Variants in PLS1 observed in about 807,000 individuals in gnomAD.
PLS1 encodes plastin-1.
PLS1 carries 32 observed loss-of-function variants against 73.7 expected under a neutral mutation model. The ratio of observed to expected loss-of-function variants is 0.43; its 90% confidence interval spans 0.33 to 0.58. The LOEUF (loss-of-function observed/expected upper bound fraction) is 0.58. Among genes scored for constraint, PLS1 ranks in the 20% least tolerant of loss-of-function variants. The pLI is 0.04. For synonymous variants in PLS1, 217 were observed against 261.3 expected, an observed-to-expected ratio of 0.83 and a Z score of 1.63; for missense variants, 633 against 740.5, an observed-to-expected ratio of 0.85 and a Z score of 1.68.
chr3:142,655,962 TTTTTTTTG>T (rs974260259), intron 1 of PLS1, among the ~76,000 whole-genome samples: 4 of 152,014 alleles, frequency 2.6e-5, no homozygotes, highest in African/African-American at 9.7e-5. Context: ...AATTAATTAC[TTTTTTTTG>T]TTTGTTTTTG....
rs1393424858 is a variant in PLS1 at position 142,686,366 on chromosome 3, C to T, written c.971C>T (p.Ser324Leu). Residue 324 changes from serine (S) to leucine (L), a missense_variant, in exon 9 of 16, where the codon TCA becomes TTA. Physicochemically the swap from Ser to Leu is moderately radical, Grantham distance 145. Transcript: ENST00000457734. ...GGACCTGCCATTGCCATTGACCTTT[C>T]AGGAATTAATGTGAGTGCAATTTTT... ...EDGPAIAIDLSGINETNDLKR... is the reference protein window; with the variant it reads ...EDGPAIAIDLLGINETNDLKR... 3.1e-6 allele frequency: 5 copies of T among 1,592,152 alleles called. No individual in the cohort carries two copies. The highest frequency in any genetic ancestry group is 4.3e-6 in the Non-Finnish European group (5 of 1,160,078).
chr3:142,681,607 T>A (rs1482550586), intron 6 of PLS1, among the ~76,000 whole-genome samples: 1 of 152,218 alleles, frequency 6.6e-6, no homozygotes, highest in Non-Finnish European at 1.5e-5. Context: ...GTCTCTTGTG[T>A]TGCCACCAGT....
chr3:142,639,387 CA>C (rs1322086581), intron 1 of PLS1, among the ~76,000 whole-genome samples: 1 of 152,164 alleles, frequency 6.6e-6, no homozygotes, highest in Non-Finnish European at 1.5e-5. Flanking sequence ...GAATCCCCTT[CA>C]AATCCACTTG....
rs201586440 is a variant in PLS1 at position 142,684,353 on chromosome 3, T to G, written c.846T>G (p.Asn282Lys). ...GATGGGTGAACTACCATCTGACCAA[T>G]GCAGGATGGCATACCATCAGCAACT... ...LLRWVNYHLT[N>K]AGWHTISNFS... The change falls in exon 8 of 16, where the codon AAT (asparagine) becomes AAG (lysine). Residue 282 changes from asparagine to lysine, a missense_variant. Coordinates refer to ENST00000457734, the MANE Select transcript of PLS1 (RefSeq NM_001145319.2). 3.1e-6 allele frequency: 5 copies of G among 1,613,746 alleles called. No individual in the cohort carries two copies. The highest frequency in any genetic ancestry group is 2.2e-5 in the South Asian group (2 of 91,072).
At chr3:142,680,194 G>C (rs563733520) in intron 6 of PLS1, among the ~76,000 whole-genome samples, 2 of 152,276 alleles carry the variant, frequency 1.3e-5, no homozygotes, top group East Asian at 1.9e-4. Flanking sequence ...TTCCTGAGTT[G>C]TTAGGGCTAT....
chr3:142,699,551 G>A (rs1358894793), intron 12 of PLS1, among the ~76,000 whole-genome samples: 1 of 152,064 alleles, frequency 6.6e-6, no homozygotes, highest in African/African-American at 2.4e-5. Flanking sequence ...TAACTATCCT[G>A]CATGTTCTGC....
chr3:142,644,022 T>TTC (rs1466254005), intron 1 of PLS1, among the ~76,000 whole-genome samples: 1 of 151,874 alleles, frequency 6.6e-6, no homozygotes, highest in Non-Finnish European at 1.5e-5. Flanking sequence ...GAGATGGGAT[T>TTC]TCACCATGTT....
At chr3:142,662,146 A>G (rs1395156588) in intron 1 of PLS1, among the ~76,000 whole-genome samples, 3 of 152,214 alleles carry the variant, frequency 2.0e-5, no homozygotes, top group African/African-American at 7.2e-5. Context: ...TCACAATAGC[A>G]AAGACTTGGA....
intron 1 of PLS1, among the ~76,000 whole-genome samples, chr3:142,663,526 T>C (rs1389888489): frequency 1.3e-5 from 2 of 152,166 alleles, no homozygotes; most frequent in Non-Finnish European, 2.9e-5. Flanking sequence ...AGTGAGATCC[T>C]GTCTCTACAA....
At chr3:142,605,878 C>T (rs2036008941) in intron 1 of PLS1, among the ~76,000 whole-genome samples, 1 of 152,110 alleles carries the variant, frequency 6.6e-6, no homozygotes, top group Non-Finnish European at 1.5e-5. Context: ...TAATGTACAT[C>T]TGGAATGTGT....
chr3:142,659,222 C>T (rs1016005519), intron 1 of PLS1, among the ~76,000 whole-genome samples: 2 of 152,142 alleles, frequency 1.3e-5, no homozygotes, highest in Non-Finnish European at 2.9e-5. Context: ...GAAAAGCTGG[C>T]TGACCCGAGT....
chr3:142,645,661 A>C (rs2036938293), intron 1 of PLS1: 1 of 152,170 alleles, frequency 6.6e-6, no homozygotes, highest in Non-Finnish European at 1.5e-5. Flanking sequence ...GTTGGTCTTG[A>C]GGCATTCATT....
intron 1 of PLS1, among the ~76,000 whole-genome samples, chr3:142,647,110 A>C (rs2036968869): frequency 6.6e-6 from 1 of 152,174 alleles, no homozygotes; most frequent in South Asian, 2.1e-4. Flanking sequence ...TGGAGATGGG[A>C]GTGGTGATTT....
At chr3:142,658,078 G>T (rs2037281120) in intron 1 of PLS1, among the ~76,000 whole-genome samples, 1 of 152,048 alleles carries the variant, frequency 6.6e-6, no homozygotes, top group Admixed American at 6.5e-5. Context: ...TAAAGCAAAA[G>T]ACTAAAATAC....
intron 1 of PLS1, among the ~76,000 whole-genome samples, chr3:142,655,168 A>G (rs916915770): frequency 6.6e-6 from 1 of 152,216 alleles, no homozygotes; most frequent in South Asian, 2.1e-4. Context: ...AATAATACAT[A>G]AGAAATGAAG....
rs1170933037 is a variant in PLS1, at chr3:142,600,916, A to ATTT, written c.-37+4430_-37+4432dup. ...TATATATATATATATATATATATAT[A>ATTT]TTTTTTTTTTTTTTTTTTTTTTTTT... On this transcript the variant is annotated intron_variant, in intron 1 of 15. Coordinates refer to ENST00000457734, the MANE Select transcript of PLS1 (RefSeq NM_001145319.2). 2.4e-3 allele frequency among the ~76,000 whole-genome samples: 36 copies of ATTT among 14,836 alleles called. 6 individuals carry two copies. The highest frequency in any genetic ancestry group is 3.7e-3 in the South Asian group (1 of 272). The allele number at this position is 14,836 out of a possible 152,430, so 9.7% of individuals were successfully genotyped here. A position where few individuals can be genotyped will look rare whatever the true frequency, so the allele number is the denominator to read the frequency against.
chr3:142,598,798 C>A (rs1202339017), intron 1 of PLS1, among the ~76,000 whole-genome samples: 1 of 152,056 alleles, frequency 6.6e-6, no homozygotes, highest in Non-Finnish European at 1.5e-5. Flanking sequence ...GAGATTGAGA[C>A]CATCCTGGCT....
Position 142,676,070 on chromosome 3 carries a change from T to A in PLS1, c.365-87T>A, listed in dbSNP as rs2037718618. 1.0e-5 allele frequency: 10 copies of A among 980,772 alleles called. No homozygotes were observed. In the South Asian group the frequency reaches 1.5e-4, roughly 14 times the overall value. 60.8% of individuals were successfully genotyped at this position (980,772 alleles called of 1,614,324 possible). On this transcript the variant is annotated intron_variant, in intron 4 of 15. Transcript: ENST00000457734. ...CTTTGAGCAGAAATTAACAAGTATG[T>A]TTTTGTAGTGCAATAGCTATGTATG...
chr3:142,610,481 C>A (rs1202671754), intron 1 of PLS1, among the ~76,000 whole-genome samples: 1 of 151,968 alleles, frequency 6.6e-6, no homozygotes, highest in Non-Finnish European at 1.5e-5. Flanking sequence ...TTTTAAGCAG[C>A]CATATCTAAA....
Sources: gnomAD v4.1 joint callset for allele counts (sites outside exome capture counted in the v4.1 genomes callset) on GRCh38, gnomAD v4.1.1 for gene constraint, MANE v1.5 for transcripts, NCBI Gene and HGNC (gene_info 2026-07-23, HGNC 2026-07-21) for gene names.